Variants in ITSN1 observed in about 807,000 individuals in gnomAD.
ITSN1 encodes the protein intersectin 1.
ITSN1 carries 58 observed loss-of-function variants against 239.8 expected under a neutral mutation model. The observed-to-expected ratio is 0.24, with a 90% CI of 0.20 to 0.30. ITSN1 has a LOEUF of 0.30. Ranked by LOEUF, ITSN1 falls within the 10% of genes least tolerant of loss-of-function variation. The pLI, the probability that ITSN1 is intolerant of heterozygous loss-of-function variation, is 1.00. For missense variants in ITSN1, 1,558 were observed against 2,103.3 expected (o/e 0.74, Z 5.07); for synonymous variants, 780 against 770.8 (o/e 1.01, Z -0.20).
chr21:33,770,941 T>G (rs1449365335), intron 11 of ITSN1, among the ~76,000 whole-genome samples: 1 of 151,956 alleles, frequency 6.6e-6, no homozygotes, highest in Non-Finnish European at 1.5e-5. Context: ...TTTTTTTGTA[T>G]TTTTAGTAGA....
intron 1 of ITSN1, among the ~76,000 whole-genome samples, chr21:33,700,951 CTGTGTGTGTGTG>C (rs72389168): frequency 3.6e-4 from 51 of 141,862 alleles, no homozygotes; most frequent in Admixed American, 1.7e-3. Context: ...TTTCTTTTTT[CTGTGTGTGTGTG>C]TGTGTGTGTG....
rs1351533048 is a variant in ITSN1 at position 33,813,978 on chromosome 21, C to G, written c.2633C>G (p.Ser878Cys). The G allele has an allele frequency of 6.2e-7, 1 of 1,614,200 alleles. No homozygotes were observed. The highest frequency in any genetic ancestry group is 1.7e-5 in the Admixed American group (1 of 60,028). ...TGGGATGCATGGGCAGCCCAGCCCT[C>G]TCTCACCGTTCCAAGTGCCGGCCAG... is the stretch of plus-strand genomic sequence containing the variant. ...DNWDAWAAQP[S>C]LTVPSAGQLR... is the part of the protein sequence containing the mutation. The change falls in exon 22 of 40, where the codon TCT becomes TGT. Residue 878 changes from serine (S) to cysteine (C), a missense_variant. Ser to Cys is a moderately radical substitution (Grantham distance 112). Around this residue, in one of 2 missense-constraint regions of ITSN1, gnomAD observed 982 missense variants for 1,209.9 expected, o/e 0.81. Coordinates refer to ENST00000381318, the MANE Select transcript of ITSN1 (RefSeq NM_003024.3).
chr21:33,839,987 C>G (rs1272180879), intron 29 of ITSN1, among the ~76,000 whole-genome samples: 2 of 152,196 alleles, frequency 1.3e-5, no homozygotes, highest in African/African-American at 4.8e-5. Flanking sequence ...GCGCAGGTCT[C>G]ACCCCACTGG....
intron 9 of ITSN1, among the ~76,000 whole-genome samples, chr21:33,763,023 C>T (rs540501928): frequency 6.6e-6 from 1 of 152,000 alleles, no homozygotes; most frequent in South Asian, 2.1e-4. Context: ...AGTAGTCATC[C>T]TTATCATTAA....
At chr21:33,815,352 C>T (rs2073197890) in intron 22 of ITSN1, among the ~76,000 whole-genome samples, 1 of 151,862 alleles carries the variant, frequency 6.6e-6, no homozygotes, top group African/African-American at 2.4e-5. Context: ...CAGCATTTAG[C>T]ACGTGTCACA....
chr21:33,721,343 A>G (rs2147093206), intron 3 of ITSN1, 73 bp downstream of exon 3: 1 of 964,074 alleles, frequency 1.0e-6, no homozygotes, highest in Non-Finnish European at 1.7e-6. Flanking sequence ...TATCATGCAA[A>G]GACGAGATGG....
At position 33,857,289 on chromosome 21, in the gene ITSN1, A is replaced by G. The variant is rs147972991; in HGVS notation, c.3783+432A>G. Reference sequence around the variant, plus strand: ...TGCTGTCTCGAGTCATTCCTGCCATATGTTACCCTGAGACAAACCTGTCAC... The same window carrying G: ...TGCTGTCTCGAGTCATTCCTGCCATGTGTTACCCTGAGACAAACCTGTCAC... On this transcript the variant is annotated intron_variant, in intron 30 of 39. Coordinates refer to ENST00000381318, the MANE Select transcript of ITSN1 (RefSeq NM_003024.3). Among the ~76,000 whole-genome samples, 5 of 152,280 alleles carry G rather than the reference A, an allele frequency of 3.3e-5. No individual in the cohort carries two copies. The East Asian group carries it at 9.7e-4, about 29-fold the overall frequency.
chr21:33,894,924 G>A lies in ITSN1; in HGVS notation c.*6624G>A, dbSNP rs1283019680. The stretch of plus-strand genomic sequence containing the variant: ...GAGGAGGAAACTCGCTGTTTTCACT[G>A]GCAGATTTCAAGGTGCCGGCTCCAC... On this transcript the variant is annotated 3_prime_UTR_variant, in exon 40 of 40. Coordinates refer to ENST00000381318, the MANE Select transcript of ITSN1 (RefSeq NM_003024.3). 1.3e-5 allele frequency: 2 copies of A among 152,348 alleles called. No individual in the cohort carries two copies. Among genetic ancestry groups the A allele is most frequent in the African/African-American group, 4.8e-5 (2 of 41,564 alleles). 9.4% of individuals were successfully genotyped at this position (152,348 alleles called of 1,614,324 possible). A position where few individuals can be genotyped will look rare whatever the true frequency, so the allele number is the denominator to read the frequency against.
At chr21:33,859,616 G>A (rs976553525) in intron 31 of ITSN1, among the ~76,000 whole-genome samples, 1 of 152,054 alleles carries the variant, frequency 6.6e-6, no homozygotes, top group South Asian at 2.1e-4. Flanking sequence ...AGAGCCTTGC[G>A]TCCATTCCTG....
intron 29 of ITSN1, among the ~76,000 whole-genome samples, chr21:33,849,439 G>A (rs762010374): frequency 2.6e-5 from 4 of 151,276 alleles, no homozygotes; most frequent in Non-Finnish European, 5.9e-5. Flanking sequence ...GGTGGCGCAT[G>A]CCTGTAATCC....
intron 6 of ITSN1, 22 bp downstream of exon 6, chr21:33,750,344 T>C (rs1569094250): frequency 6.2e-7 from 1 of 1,605,620 alleles, no homozygotes; most frequent in Non-Finnish European, 8.5e-7. Context: ...GCTGAAACCA[T>C]AGGCTGAGTT....
At chr21:33,694,712 T>C (rs1326984517) in intron 1 of ITSN1, among the ~76,000 whole-genome samples, 1 of 152,042 alleles carries the variant, frequency 6.6e-6, no homozygotes, top group African/African-American at 2.4e-5. Context: ...TCCCAGCGAC[T>C]TGGGAGGCTG....
chr21:33,782,311 T>C (rs558755484), intron 16 of ITSN1, among the ~76,000 whole-genome samples, 178 bp downstream of exon 16: 2 of 152,280 alleles, frequency 1.3e-5, no homozygotes, highest in South Asian at 2.1e-4. Flanking sequence ...AAATTAGGGC[T>C]GAATGAGTGG....
At chr21:33,689,656 C>A (rs2091414314) in intron 1 of ITSN1, among the ~76,000 whole-genome samples, 1 of 152,058 alleles carries the variant, frequency 6.6e-6, no homozygotes, top group Admixed American at 6.5e-5. Flanking sequence ...AGCCTGGTAG[C>A]AAGGGCCTAT....
At chr21:33,781,742 C>G (rs1269667753) in intron 15 of ITSN1, among the ~76,000 whole-genome samples, 194 bp downstream of exon 15, 1 of 152,038 alleles carries the variant, frequency 6.6e-6, no homozygotes, top group Non-Finnish European at 1.5e-5. Context: ...CCACAGCCAG[C>G]TAGTTTTTGT....
At chr21:33,819,057 C>T (rs999739727) in intron 23 of ITSN1, among the ~76,000 whole-genome samples, 184 bp from the exon 24 acceptor site, 11 of 149,730 alleles carry the variant, frequency 7.3e-5, no homozygotes, top group African/African-American at 2.4e-4. Context: ...AATAAGAATG[C>T]GAGCTTAGAG....
chr21:33,791,238 T>C (rs756410358), intron 16 of ITSN1, among the ~76,000 whole-genome samples: 1 of 152,246 alleles, frequency 6.6e-6, no homozygotes, highest in Non-Finnish European at 1.5e-5. Flanking sequence ...CTTACAACTG[T>C]GTATCTCAGC....
At chr21:33,777,358 AC>A (rs1253623166) in intron 14 of ITSN1, among the ~76,000 whole-genome samples, 4 of 152,142 alleles carry the variant, frequency 2.6e-5, no homozygotes, top group African/African-American at 9.7e-5. Flanking sequence ...CCCTGTTGAT[AC>A]CTAATTTTTG....
rs1035759177 is a variant in ITSN1, at chr21:33,837,803, A to G, written c.3661+1171A>G. The G allele has an allele frequency of 6.1e-6, 6 of 985,764 alleles. No homozygotes were observed. The African/African-American group carries it at 7.0e-5, about 11-fold the overall frequency. The allele number at this position is 985,764 out of a possible 1,614,324, so 61.1% of individuals were successfully genotyped here. ...TGTGTTTTTGTTCGGTCTCAGATTTATCTGGTTGAGTTGGTGTTTTGTTTG... is the reference window on the plus strand; with the variant it reads ...TGTGTTTTTGTTCGGTCTCAGATTTGTCTGGTTGAGTTGGTGTTTTGTTTG... On this transcript the variant is annotated intron_variant, in intron 29 of 39. Transcript: ENST00000381318.
Sources: gnomAD v4.1 joint callset for allele counts (sites outside exome capture counted in the v4.1 genomes callset) on GRCh38, gnomAD v4.1.1 for gene constraint, gnomAD v4.1.1 regional missense constraint, MANE v1.5 for transcripts, NCBI Gene and HGNC (gene_info 2026-07-23, HGNC 2026-07-21) for gene names.